Variants in ST18 observed in about 807,000 individuals in gnomAD.
ST18 encodes suppression of tumorigenicity 18 protein.
ST18 carries 50 observed loss-of-function variants against 110.0 expected under a neutral mutation model. The ratio of observed to expected loss-of-function variants is 0.45; its 90% CI spans 0.36 to 0.58. The LOEUF is 0.58. Ranked by LOEUF, ST18 falls within the 20% of genes least tolerant of loss-of-function variation. The pLI is 0.00. For synonymous variants in ST18, 461 were observed against 452.4 expected (o/e 1.02, Z -0.24); for missense variants, 1,306 against 1,280.1 (o/e 1.02, Z -0.31).
At chr8:52,193,346 G>A (rs537739285) in intron 8 of ST18, among the ~76,000 whole-genome samples, 39 of 152,274 alleles carry the variant, frequency 2.6e-4, no homozygotes, top group African/African-American at 8.4e-4. Context: ...GCTGATGGGC[G>A]TTAGCTGAAT....
At chr8:52,385,894 G>A (rs1836517072) in intron 2 of ST18, among the ~76,000 whole-genome samples, 1 of 152,118 alleles carries the variant, frequency 6.6e-6, no homozygotes, top group Non-Finnish European at 1.5e-5. Flanking sequence ...CTTGGTTTGA[G>A]AATAAGGAAA....
At chr8:52,276,098 ACAT>A in intron 2 of ST18, among the ~76,000 whole-genome samples, 1 of 100,060 alleles carries the variant, frequency 1.0e-5, no homozygotes, top group Non-Finnish European at 2.2e-5. Flanking sequence ...CACACCACAC[ACAT>A]GAAACACACA....
chr8:52,227,508 C>T (rs1227062810), intron 3 of ST18, among the ~76,000 whole-genome samples: 1 of 152,016 alleles, frequency 6.6e-6, no homozygotes, highest in Non-Finnish European at 1.5e-5. Context: ...AAGCAATGTC[C>T]CCAAAGACCA....
At chr8:52,236,728 G>A (rs528677312) in intron 2 of ST18, among the ~76,000 whole-genome samples, 1 of 152,160 alleles carries the variant, frequency 6.6e-6, no homozygotes, top group Admixed American at 6.5e-5. Flanking sequence ...TGATAGCGTG[G>A]TCTCTTAGGG....
At chr8:52,189,198 A>G (rs1485132127) in intron 8 of ST18, among the ~76,000 whole-genome samples, 1 of 152,166 alleles carries the variant, frequency 6.6e-6, no homozygotes, top group Non-Finnish European at 1.5e-5. Context: ...AAGGGTGCAC[A>G]GGCCAAAAGG....
At chr8:52,192,905 A>G (rs919949026) in intron 8 of ST18, among the ~76,000 whole-genome samples, 1 of 152,200 alleles carries the variant, frequency 6.6e-6, no homozygotes, top group Non-Finnish European at 1.5e-5. Context: ...CAGGCAAGGA[A>G]AATAGATACC....
At chr8:52,219,745 C>T (rs558096660) in intron 5 of ST18, among the ~76,000 whole-genome samples, 61 of 152,250 alleles carry the variant, frequency 4.0e-4, no homozygotes, top group South Asian at 2.5e-3. Context: ...AGATGATTTT[C>T]AAAGGAAATT....
At chr8:52,158,597 A>G (rs1283873444) in intron 15 of ST18, among the ~76,000 whole-genome samples, 3 of 152,240 alleles carry the variant, frequency 2.0e-5, no homozygotes, top group Non-Finnish European at 4.4e-5. Flanking sequence ...TCCCCATAGC[A>G]AAAACAGCTT....
chr8:52,245,875 A>C (rs2093804056), intron 2 of ST18, among the ~76,000 whole-genome samples: 1 of 152,130 alleles, frequency 6.6e-6, no homozygotes, highest in African/African-American at 2.4e-5. Context: ...TAAAACTTTA[A>C]AGGCATTGAC....
intron 2 of ST18, among the ~76,000 whole-genome samples, chr8:52,378,426 T>C (rs568130828): frequency 3.8e-4 from 58 of 152,170 alleles, no homozygotes; most frequent in Non-Finnish European, 7.5e-4. Context: ...AATGAGCTAT[T>C]TACTGCTAAA....
At chr8:52,150,258 ATGTGTGTGTG>A (rs10593387) in intron 15 of ST18, among the ~76,000 whole-genome samples, 9 of 149,756 alleles carry the variant, frequency 6.0e-5, no homozygotes, top group Non-Finnish European at 1.0e-4. Context: ...TTTTATGAAA[ATGTGTGTGTG>A]TGTGTGTGTG....
Position 52,127,697 on chromosome 8 carries a change from T to C in ST18, c.2667-1557A>G, listed in dbSNP as rs1040208216. The stretch of plus-strand genomic sequence containing the variant: ...AGCGTCCATCCATAATTACATGACT[T>C]AGAAGCAAAGAATATAGTTATGAAA... On this transcript the variant is annotated intron_variant, in intron 22 of 25. Transcript: ENST00000689386. Among the ~76,000 whole-genome samples the C allele has an allele frequency of 2.6e-5, 4 of 152,118 alleles. No individual in the cohort carries two copies. The East Asian group carries it at 7.7e-4, about 29-fold the overall frequency.
intron 2 of ST18, among the ~76,000 whole-genome samples, chr8:52,400,074 A>T (rs1208555428): frequency 6.6e-6 from 1 of 152,004 alleles, no homozygotes; most frequent in Middle Eastern, 3.2e-3. Flanking sequence ...TATTTGCTTT[A>T]TATACTTAGG....
intron 2 of ST18, among the ~76,000 whole-genome samples, chr8:52,311,876 C>G (rs1172655689): frequency 6.6e-6 from 1 of 152,156 alleles, no homozygotes; most frequent in Non-Finnish European, 1.5e-5. Context: ...GGTGGAGACA[C>G]AGCCAAACCA....
chr8:52,335,930 C>T (rs916210813), intron 2 of ST18, among the ~76,000 whole-genome samples: 2 of 152,130 alleles, frequency 1.3e-5, no homozygotes, highest in Non-Finnish European at 2.9e-5. Flanking sequence ...CAATAATCTC[C>T]ACATGGCCTA....
intron 22 of ST18, among the ~76,000 whole-genome samples, chr8:52,130,119 AAAAGAAAGAAAGAAAG>A (rs1207799704): frequency 8.6e-5 from 9 of 105,164 alleles, no homozygotes; most frequent in African/African-American, 2.9e-4. Flanking sequence ...AGAAAGAAAG[AAAAGAAAGAAAGAAAG>A]AAAGAAAGAA....
Position 52,149,752 on chromosome 8 carries a change from T to TC in ST18, c.2031dup (p.Lys678GlufsTer32). ...AATACCTCTTTCTCCTCCTCTGTCT[T>TC]CCCGTGAGTTTTGCTATAGTTGATA... On this transcript the variant is annotated frameshift_variant, in exon 16 of 26. Coordinates refer to ENST00000689386, the MANE Select transcript of ST18 (RefSeq NM_001352837.2). LOFTEE classifies it high-confidence loss of function. The TC allele has an allele frequency of 6.2e-7, 1 of 1,614,056 alleles. No homozygotes were observed. Among genetic ancestry groups the TC allele is most frequent in the Non-Finnish European group, 8.5e-7 (1 of 1,179,966 alleles).
chr8:52,212,140 T>G, intron 7 of ST18, 31 bp from the exon 8 acceptor site: 1 of 1,587,474 alleles, frequency 6.3e-7, no homozygotes, highest in Non-Finnish European at 8.5e-7. Flanking sequence ...AAAAGAAGAC[T>G]TAATCAGTTG....
At chr8:52,244,181 G>GT (rs1456813894) in intron 2 of ST18, among the ~76,000 whole-genome samples, 1 of 152,122 alleles carries the variant, frequency 6.6e-6, no homozygotes, top group Non-Finnish European at 1.5e-5. Context: ...GGGAAACCTG[G>GT]TCAGTACACG....
Sources: gnomAD v4.1 joint callset for allele counts (sites outside exome capture counted in the v4.1 genomes callset) on GRCh38, gnomAD v4.1.1 for gene constraint, MANE v1.5 for transcripts, NCBI Gene and HGNC (gene_info 2026-07-23, HGNC 2026-07-21) for gene names.